The following FRY variants were observed in gnomAD, a reference collection of about 807,000 sequenced individuals.
FRY encodes the protein FRY microtubule binding protein.
In FRY, 128 loss-of-function variants were observed where a neutral mutation model predicts 348.4. The ratio of observed to expected loss-of-function variants is 0.37; its 90% CI spans 0.32 to 0.43. FRY has a LOEUF of 0.43. Among genes scored for constraint, FRY ranks in the 20% least tolerant of loss-of-function variants. The pLI, the probability that FRY is intolerant of heterozygous loss-of-function variation, is 1.00. For synonymous variants in FRY, 1,370 were observed against 1,374.7 expected (o/e 1.00, Z 0.08); for missense variants, 2,736 against 3,695.2 (o/e 0.74, Z 6.73).
chr13:32,110,548 T>C (rs1215085589), intron 3 of FRY, among the ~76,000 whole-genome samples: 2 of 151,898 alleles, frequency 1.3e-5, no homozygotes, highest in Non-Finnish European at 2.9e-5. Flanking sequence ...CTGTTGGAGA[T>C]TGTATTAATG....
At chr13:32,277,210 G>T (rs1045412174) in intron 57 of FRY, among the ~76,000 whole-genome samples, 2 of 152,120 alleles carry the variant, frequency 1.3e-5, no homozygotes, top group Admixed American at 6.5e-5. Context: ...AAAAAGCAAG[G>T]GTTTTGAAGT....
At chr13:32,161,905 T>C (rs1425439129) in intron 17 of FRY, among the ~76,000 whole-genome samples, 1 of 152,250 alleles carries the variant, frequency 6.6e-6, no homozygotes, top group East Asian at 1.9e-4. Context: ...TAAGCTTAGT[T>C]ATCTCATGTT....
At chr13:32,129,202 G>A (rs1879204894) in intron 7 of FRY, among the ~76,000 whole-genome samples, 1 of 152,126 alleles carries the variant, frequency 6.6e-6, no homozygotes, top group South Asian at 2.1e-4. Context: ...GTTACATGGT[G>A]TCCATTTTAT....
At chr13:32,268,500 AAAAAAATATATATAT>A (rs1243986887) in intron 55 of FRY, among the ~76,000 whole-genome samples, 4 of 19,004 alleles carry the variant, frequency 2.1e-4, no homozygotes, top group Non-Finnish European at 2.7e-4. Flanking sequence ...AAAAAAAAAA[AAAAAAATATATATAT>A]ATATATATAT....
chr13:32,145,536 T>TTTG lies in FRY; in HGVS notation c.1180-1744_1180-1743insGTT, dbSNP rs1555257806. 1.3e-3 allele frequency among the ~76,000 whole-genome samples: 176 copies of TTTG among 133,522 alleles called. 3 individuals carry two copies. Among genetic ancestry groups the TTTG allele is most frequent in the South Asian group, 1.7e-3 (7 of 4,130 alleles). 87.6% of individuals were successfully genotyped at this position (133,522 alleles called of 152,430 possible). A position where few individuals can be genotyped will look rare whatever the true frequency, so the allele number is the denominator to read the frequency against. On this transcript the variant is annotated intron_variant, in intron 11 of 60. Transcript: ENST00000542859. ...CTCTCTGACTGATTTGTTTTTTTTT[T>TTTG]TTTTTTTTTTTTTTTTTTTGAGACG...
At chr13:32,164,841 G>A (rs1881644784) in intron 17 of FRY, among the ~76,000 whole-genome samples, 1 of 152,154 alleles carries the variant, frequency 6.6e-6, no homozygotes, top group Admixed American at 6.5e-5. Context: ...GATAGTTCCT[G>A]CTCTGTCATT....
chr13:32,177,154 GA>G (rs1370404627), intron 20 of FRY, among the ~76,000 whole-genome samples: 1 of 152,178 alleles, frequency 6.6e-6, no homozygotes, highest in Non-Finnish European at 1.5e-5. Context: ...TAGATTATTT[GA>G]AAATTGATGT....
Position 32,294,430 on chromosome 13 carries a change from C to T in FRY, c.8643C>T (p.Val2881=). The T allele has an allele frequency of 6.2e-7, 1 of 1,613,978 alleles. No individual in the cohort carries two copies. The highest frequency in any genetic ancestry group is 8.5e-7 in the Non-Finnish European group (1 of 1,179,846). Residue 2881 remains valine, a synonymous_variant, in exon 60 of 61, where the codon GTC becomes GTT. Coordinates refer to ENST00000542859, the MANE Select transcript of FRY (RefSeq NM_023037.3). ...AACACCTGAAGGAAGCCAGTGCAGT[C>T]ATTGCAGCTGACCCTCTCTATTCAG... ...LKKHLKEASA[V]IAADPLYSDG...
intron 31 of FRY, among the ~76,000 whole-genome samples, chr13:32,208,001 C>T (rs555412888): frequency 9.6e-4 from 146 of 152,320 alleles, no homozygotes; most frequent in African/African-American, 3.2e-3. Flanking sequence ...GCTTCTCTAT[C>T]TTAGAAAGTT....
intron 21 of FRY, 50 bp downstream of exon 21, chr13:32,178,486 T>C: frequency 1.3e-6 from 2 of 1,591,514 alleles, no homozygotes. Context: ...CCATTTGCCC[T>C]CTTAAATTTT....
At chr13:32,080,937 A>T in intron 2 of FRY, among the ~76,000 whole-genome samples, 1 of 152,208 alleles carries the variant, frequency 6.6e-6, no homozygotes, top group East Asian at 1.9e-4. Flanking sequence ...CTAGGTCCTG[A>T]CACCTTTTCA....
intron 55 of FRY, among the ~76,000 whole-genome samples, chr13:32,274,521 A>T (rs9534028): frequency 1.3e-5 from 2 of 151,052 alleles, no homozygotes; most frequent in African/African-American, 4.9e-5. Context: ...TGGCTAACAC[A>T]GTGAAACCCC....
intron 60 of FRY, 110 bp downstream of exon 60, chr13:32,294,680 T>G (rs1329820408): frequency 7.5e-6 from 6 of 802,934 alleles, no homozygotes; most frequent in Non-Finnish European, 1.3e-5. Flanking sequence ...TTTACAGATC[T>G]CTTCTCAGAT....
At chr13:32,277,596 CA>C (rs1888592767) in intron 57 of FRY, among the ~76,000 whole-genome samples, 1 of 152,168 alleles carries the variant, frequency 6.6e-6, no homozygotes, top group Non-Finnish European at 1.5e-5. Flanking sequence ...GCCTTGAAAA[CA>C]GAAATAATAT....
intron 59 of FRY, among the ~76,000 whole-genome samples, chr13:32,291,143 C>T (rs1432849299): frequency 6.6e-6 from 1 of 152,006 alleles, no homozygotes; most frequent in East Asian, 1.9e-4. Context: ...AGGATGAAGC[C>T]TGGGAAACCT....
At chr13:32,184,248 G>A (rs1454125174) in intron 24 of FRY, among the ~76,000 whole-genome samples, 4 of 152,174 alleles carry the variant, frequency 2.6e-5, no homozygotes, top group Non-Finnish European at 5.9e-5. Flanking sequence ...AGAACAAACA[G>A]TGTTACTTCC....
At chr13:32,156,616 A>C (rs930993638) in intron 15 of FRY, among the ~76,000 whole-genome samples, 16 of 151,966 alleles carry the variant, frequency 1.1e-4, no homozygotes. Context: ...AAAAAAAAAA[A>C]AAAAACAGAT....
chr13:32,093,820 A>C (rs1456915161), intron 2 of FRY, among the ~76,000 whole-genome samples: 1 of 152,180 alleles, frequency 6.6e-6, no homozygotes, highest in Non-Finnish European at 1.5e-5. Flanking sequence ...GGGACCCATC[A>C]CCCCAAAGTT....
chr13:32,225,936 C>T lies in FRY; in HGVS notation c.5168C>T (p.Thr1723Ile), dbSNP rs751177739. The change falls in exon 39 of 61, where the codon ACC (threonine) becomes ATC (isoleucine). Residue 1723 changes from threonine (T) to isoleucine (I), a missense_variant. Transcript: ENST00000542859. ...GAGATGGGTGAAGCTAAGACTCTAA[C>T]CGTGCAGCCAGCCTACCAACCTGAA... ...TREMGEAKTLTVQPAYQPEYL... is the reference protein window; with the variant it reads ...TREMGEAKTLIVQPAYQPEYL... The T allele has an allele frequency of 1.9e-6, 3 of 1,614,154 alleles. No individual in the cohort carries two copies. The highest frequency in any genetic ancestry group is 1.3e-5 in the African/African-American group (1 of 75,014).
Sources: gnomAD v4.1 joint callset for allele counts (sites outside exome capture counted in the v4.1 genomes callset) on GRCh38, gnomAD v4.1.1 for gene constraint, MANE v1.5 for transcripts, NCBI Gene and HGNC (gene_info 2026-07-23, HGNC 2026-07-21) for gene names.